DISC1: variants seen among roughly 807,000 people sequenced by gnomAD.
DISC1 encodes DISC1 scaffold protein.
Under a neutral mutation model 84.5 loss-of-function variants are expected in DISC1, and 57 were observed. That is an observed-to-expected ratio of 0.67 (90% CI 0.55 to 0.84). The LOEUF (loss-of-function observed/expected upper bound fraction) is 0.84. DISC1 is among the 40% of genes least tolerant of loss of function. The pLI is 0.00. For missense variants in DISC1, 1,000 were observed against 1,057.8 expected (o/e 0.95, Z 0.76); for synonymous variants, 411 against 415.2 (o/e 0.99, Z 0.12).
At chr1:231,845,757 G>T (rs1034986494) in intron 9 of DISC1, among the ~76,000 whole-genome samples, 1 of 152,128 alleles carries the variant, frequency 6.6e-6, no homozygotes, top group Non-Finnish European at 1.5e-5. Context: ...TAGGTTGAGG[G>T]GTGGGTGGCT....
chr1:231,920,712 GA>G (rs1003774986), intron 9 of DISC1, among the ~76,000 whole-genome samples: 1 of 152,140 alleles, frequency 6.6e-6, no homozygotes, highest in Non-Finnish European at 1.5e-5. Context: ...TATTGTGAAC[GA>G]TGCTGCTATG....
At chr1:231,710,672 T>C (rs2067703909) in intron 3 of DISC1, among the ~76,000 whole-genome samples, 2 of 152,178 alleles carry the variant, frequency 1.3e-5, no homozygotes, top group South Asian at 2.1e-4. Flanking sequence ...TAGACAGCTA[T>C]TTTCTCCTTG....
At chr1:231,752,771 A>C (rs1407397193) in intron 4 of DISC1, among the ~76,000 whole-genome samples, 1 of 152,236 alleles carries the variant, frequency 6.6e-6, no homozygotes, top group Non-Finnish European at 1.5e-5. Context: ...GTAAAATATA[A>C]AACCAGTCAG....
At chr1:231,866,804 G>C (rs2085095817) in intron 9 of DISC1, 1 of 1,066,876 alleles carries the variant, frequency 9.4e-7, no homozygotes, top group South Asian at 3.9e-5. Flanking sequence ...TTAAAGTCAT[G>C]ATAGTTTCTT....
chr1:231,747,524 G>A (rs556069589), intron 3 of DISC1, among the ~76,000 whole-genome samples: 1 of 152,088 alleles, frequency 6.6e-6, no homozygotes, highest in Non-Finnish European at 1.5e-5. Flanking sequence ...TCTTTTCCCC[G>A]ATTAGTGTTT....
chr1:231,694,285 C>G lies in DISC1; in HGVS notation c.527C>G (p.Ser176Cys), dbSNP rs1441735094. 1.2e-6 allele frequency: 2 copies of G among 1,614,260 alleles called. No homozygotes were observed. Among genetic ancestry groups the G allele is most frequent in the Non-Finnish European group, 8.5e-7 (1 of 1,180,048 alleles). The change falls in exon 2 of 13, where the codon TCT becomes TGT. Residue 176 changes from serine to cysteine, a missense_variant. Physicochemically the swap from Ser to Cys is moderately radical, Grantham distance 112. Around this residue, in one of 3 missense-constraint regions of DISC1, gnomAD observed 292 missense variants for 280.2 expected, o/e 1.04. Transcript: ENST00000439617. Reference protein sequence around the residue: ...DGARRVRAAGSLPSAELSSNS... With the variant: ...DGARRVRAAGCLPSAELSSNS... ...GCAAGGCGTGTCCGGGCAGCAGGCT[C>G]TCTGCCATCAGCAGAGTTGAGTAGC...
rs530803358 is a variant in DISC1, at chr1:231,942,023, G to A, written c.1982-16805G>A. Among the ~76,000 whole-genome samples, 28 of 152,258 alleles carry A rather than the reference G, an allele frequency of 1.8e-4. 1 individual carries two copies. In the South Asian group the frequency reaches 5.8e-3, roughly 32 times the overall value. On this transcript the variant is annotated intron_variant, in intron 9 of 12. Transcript: ENST00000439617. ...ATGGGGAAAGAGCTCCTGCAGTGGA[G>A]ATGAGAAAACCAGACGTGTGATCTG...
intron 9 of DISC1, among the ~76,000 whole-genome samples, chr1:231,890,550 T>G (rs907245018): frequency 6.6e-6 from 1 of 152,164 alleles, no homozygotes; most frequent in African/African-American, 2.4e-5. Context: ...AGTAGAATGC[T>G]TATTGCCAGG....
At chr1:231,640,373 C>T (rs558892275) in intron 1 of DISC1, among the ~76,000 whole-genome samples, 25 of 152,280 alleles carry the variant, frequency 1.6e-4, no homozygotes, top group African/African-American at 5.8e-4. Context: ...GAGCACAAGA[C>T]ATCATGGGGT....
In DISC1 at chr1:231,723,333, G is replaced by T. The variant is rs981251187; in HGVS notation, c.1117+21309G>T. 11 of 985,656 alleles carry T rather than the reference G, an allele frequency of 1.1e-5. No homozygotes were observed. In the African/African-American group the frequency reaches 1.7e-4, roughly 16 times the overall value. 61.1% of individuals were successfully genotyped at this position (985,656 alleles called of 1,614,324 possible). ...CCATAACTGCAGGCAGAACATCTGG[G>T]CAGGAAGCTCCTGCAGGAAGACCTG... On this transcript the variant is annotated intron_variant, in intron 3 of 12. Coordinates refer to ENST00000439617, the MANE Select transcript of DISC1 (RefSeq NM_018662.3).
At chr1:231,851,290 G>A (rs2083878808) in intron 9 of DISC1, among the ~76,000 whole-genome samples, 1 of 152,156 alleles carries the variant, frequency 6.6e-6, no homozygotes, top group African/African-American at 2.4e-5. Context: ...CAGATTCACG[G>A]CACTGTTCTG....
At chr1:231,942,767 G>A (rs2091425465) in intron 9 of DISC1, among the ~76,000 whole-genome samples, 1 of 152,216 alleles carries the variant, frequency 6.6e-6, no homozygotes. Context: ...ACTCTGAGTT[G>A]TACCAGCAGG....
At chr1:231,949,770 A>G (rs1242658924) in intron 9 of DISC1, among the ~76,000 whole-genome samples, 13 of 152,186 alleles carry the variant, frequency 8.5e-5, no homozygotes, top group East Asian at 1.9e-4. Context: ...TAACAGTTGC[A>G]TATGAAAAGC....
At chr1:232,036,625 T>C (rs1670541962) in intron 12 of DISC1, 67 bp from the exon 13 acceptor site, 2 of 1,412,258 alleles carry the variant, frequency 1.4e-6, no homozygotes, top group Non-Finnish European at 1.9e-6. Context: ...TCACACGCTC[T>C]TCGATCCCTC....
intron 9 of DISC1, among the ~76,000 whole-genome samples, chr1:231,886,775 CTTTCTTT>C (rs1558692036): frequency 3.7e-4 from 25 of 68,468 alleles, no homozygotes; most frequent in South Asian, 1.5e-3. Context: ...TCCTTTCTTT[CTTTCTTT>C]CTTTCTTTCT....
intron 9 of DISC1, among the ~76,000 whole-genome samples, chr1:231,873,680 A>C (rs910741387): frequency 3.3e-5 from 5 of 152,162 alleles, no homozygotes; most frequent in African/African-American, 1.2e-4. Flanking sequence ...GTTCAACCTC[A>C]TAATTAGATC....
At position 231,733,296 on chromosome 1, in the gene DISC1, AGAGTGGTGGTGATGGTAG is replaced by A. The variant is rs1287123646; in HGVS notation, c.1118-16613_1118-16596del. ...GGTAGGAGTGTTGGTGGTGATGGCA[AGAGTGGTGGTGATGGTAG>A]GAGTGGTGGTGATGGTGGGAATGGT... On this transcript the variant is annotated intron_variant, in intron 3 of 12. Transcript: ENST00000439617. 2.5e-4 allele frequency among the ~76,000 whole-genome samples: 32 copies of A among 127,650 alleles called. No individual in the cohort carries two copies. In the South Asian group the frequency reaches 7.6e-3, roughly 30 times the overall value. The allele number at this position is 127,650 out of a possible 152,430, so 83.7% of individuals were successfully genotyped here. A position where few individuals can be genotyped will look rare whatever the true frequency, so the allele number is the denominator to read the frequency against.
intron 8 of DISC1, among the ~76,000 whole-genome samples, chr1:231,803,758 C>G (rs569839901): frequency 7.2e-5 from 11 of 151,974 alleles, no homozygotes; most frequent in African/African-American, 2.7e-4. Flanking sequence ...ACCATCCTGG[C>G]TAACATGGTG....
intron 1 of DISC1, among the ~76,000 whole-genome samples, chr1:231,651,516 G>A (rs552251637): frequency 4.6e-5 from 7 of 152,224 alleles, no homozygotes; most frequent in Non-Finnish European, 1.0e-4. Context: ...ACTTGGAGGT[G>A]TCTCTCAGTT....
Sources: gnomAD v4.1 joint callset for allele counts (sites outside exome capture counted in the v4.1 genomes callset) on GRCh38, gnomAD v4.1.1 for gene constraint, gnomAD v4.1.1 regional missense constraint, MANE v1.5 for transcripts, NCBI Gene and HGNC (gene_info 2026-07-23, HGNC 2026-07-21) for gene names.